Variants in ZNF589 observed in about 807,000 individuals in gnomAD.
ZNF589 encodes KRAB-zinc finger protein SZF1-1.
ZNF589 carries 17 observed loss-of-function variants against 13.6 expected under a neutral mutation model. That is an observed-to-expected ratio of 1.25 (90% CI 0.86 to 1.88). The LOEUF (loss-of-function observed/expected upper bound fraction) is 1.88, where lower values mean the gene tolerates loss of function less well. Among genes scored for constraint, ZNF589 ranks in the 40% most tolerant of loss-of-function variants. The pLI is 0.00. For missense variants in ZNF589, 407 were observed against 434.0 expected (o/e 0.94, Z 0.55); for synonymous variants, 148 against 161.6 (o/e 0.92, Z 0.64).
intron 2 of ZNF589, among the ~76,000 whole-genome samples, chr3:48,249,990 T>G (rs1443274047): frequency 1.3e-5 from 2 of 152,064 alleles, no homozygotes; most frequent in African/African-American, 2.4e-5. Flanking sequence ...TAGCTGTGTG[T>G]GGTGGCGGGT....
rs1163414645 is a variant in ZNF589, at chr3:48,268,964, T to C, written c.*178T>C. 9 of 964,864 alleles carry C rather than the reference T, an allele frequency of 9.3e-6. No homozygotes were observed. The highest frequency in any genetic ancestry group is 1.6e-5 in the African/African-American group (1 of 61,126). 59.8% of individuals were successfully genotyped at this position (964,864 alleles called of 1,614,324 possible). A position where few individuals can be genotyped will look rare whatever the true frequency, so the allele number is the denominator to read the frequency against. On this transcript the variant is annotated 3_prime_UTR_variant, in exon 4 of 4. Coordinates refer to ENST00000354698, the MANE Select transcript of ZNF589 (RefSeq NM_016089.3). ...CGTGTGTGAGGAGTGTGGGCATGGA[T>C]TTAGCCAGAAGTCGTCGCTCAAATC...
chr3:48,267,227 C>G (rs1378086551), intron 3 of ZNF589, among the ~76,000 whole-genome samples: 1 of 152,164 alleles, frequency 6.6e-6, no homozygotes, highest in African/African-American at 2.4e-5. Flanking sequence ...CACAAGTCGG[C>G]AAATACAGTA....
At chr3:48,257,352 TG>T (rs2033914944) in intron 2 of ZNF589, among the ~76,000 whole-genome samples, 2 of 152,032 alleles carry the variant, frequency 1.3e-5, no homozygotes, top group Admixed American at 6.6e-5. Flanking sequence ...CCCTGCCTCC[TG>T]GGTTCAAGCG....
At chr3:48,245,985 T>C (rs558078133) in intron 1 of ZNF589, among the ~76,000 whole-genome samples, 84 of 151,204 alleles carry the variant, frequency 5.6e-4, no homozygotes, top group African/African-American at 1.9e-3. Flanking sequence ...AAGCTTGAGC[T>C]TCCCTCCAGA....
chr3:48,259,515 A>G (rs1167743313), intron 2 of ZNF589, among the ~76,000 whole-genome samples: 4 of 152,178 alleles, frequency 2.6e-5, no homozygotes, highest in African/African-American at 9.7e-5. Context: ...TAGAGTGCCA[A>G]GGACCACTTG....
chr3:48,247,287 TA>T (rs895019765), intron 1 of ZNF589, among the ~76,000 whole-genome samples: 10 of 151,140 alleles, frequency 6.6e-5, no homozygotes, highest in African/African-American at 2.2e-4. Context: ...TTTCATAAAT[TA>T]AAAAAAAACA....
chr3:48,263,744 G>A (rs1018303596), intron 3 of ZNF589, among the ~76,000 whole-genome samples: 3 of 152,108 alleles, frequency 2.0e-5, no homozygotes, highest in Non-Finnish European at 2.9e-5. Context: ...GGGCAACAGA[G>A]CAAGACTCCA....
intron 2 of ZNF589, chr3:48,256,442 CT>C (rs1190202070): frequency 2.4e-4 from 132 of 559,396 alleles, no homozygotes; most frequent in South Asian, 1.3e-3. Context: ...CAGGGGAGGC[CT>C]TTTTTTGTAG....
At position 48,268,010 on chromosome 3, in the gene ZNF589, A is replaced by G. The variant is rs1176913706; in HGVS notation, c.319A>G (p.Ile107Val). The G allele has an allele frequency of 6.2e-7, 1 of 1,614,186 alleles. No homozygotes were observed. Among genetic ancestry groups the G allele is most frequent in the Non-Finnish European group, 8.5e-7 (1 of 1,180,042 alleles). Reference sequence around the variant, plus strand: ...CCAAGATGAGCTACACAATCATCCTATTCCAGGTTTCCATGCAGGAAATCA... The same window carrying G: ...CCAAGATGAGCTACACAATCATCCTGTTCCAGGTTTCCATGCAGGAAATCA... ...LSQDELHNHPIPGFHAGNQLH... is the reference protein window; with the variant it reads ...LSQDELHNHPVPGFHAGNQLH... The change falls in exon 4 of 4, where the codon ATT becomes GTT. Residue 107 changes from isoleucine to valine, a missense_variant. Ile to Val is a conservative substitution (Grantham distance 29). Coordinates refer to ENST00000354698, the MANE Select transcript of ZNF589 (RefSeq NM_016089.3).
At chr3:48,244,928 C>T (rs2033744010) in intron 1 of ZNF589, among the ~76,000 whole-genome samples, 1 of 151,918 alleles carries the variant, frequency 6.6e-6, no homozygotes. Context: ...GATTCTCCTG[C>T]CTCAGCCTCC....
intron 1 of ZNF589, among the ~76,000 whole-genome samples, chr3:48,243,537 C>T (rs1559978786): frequency 6.6e-6 from 1 of 151,942 alleles, no homozygotes; most frequent in East Asian, 1.9e-4. Flanking sequence ...ATGGACCGGG[C>T]GCGGTGACTC....
chr3:48,262,378 A>G (rs962441496), intron 3 of ZNF589, among the ~76,000 whole-genome samples: 1 of 151,716 alleles, frequency 6.6e-6, no homozygotes, highest in Admixed American at 6.6e-5. Context: ...TTTAGTAGAA[A>G]CGGGGTTTCA....
Position 48,249,796 on chromosome 3 carries a change from T to C in ZNF589, c.96+2119T>C, listed in dbSNP as rs565843352. On this transcript the variant is annotated intron_variant, in intron 2 of 3. Transcript: ENST00000354698. Reference sequence around the variant, plus strand: ...TTAAACATTTATCGTTTCTTTGTGATGAGAACATCCAAAAGCCTCTTTTCT... The same window carrying C: ...TTAAACATTTATCGTTTCTTTGTGACGAGAACATCCAAAAGCCTCTTTTCT... 2.0e-5 allele frequency among the ~76,000 whole-genome samples: 3 copies of C among 152,334 alleles called. No individual in the cohort carries two copies. In the South Asian group the frequency reaches 6.2e-4, roughly 32 times the overall value.
intron 1 of ZNF589, 28 bp downstream of exon 1, chr3:48,241,242 C>T (rs1575289723): frequency 6.2e-6 from 10 of 1,607,608 alleles, no homozygotes; most frequent in African/African-American, 1.3e-5. Flanking sequence ...GATCGCCTCC[C>T]CCATTCGGTG....
At position 48,269,229 on chromosome 3, in the gene ZNF589, C is replaced by T. The variant is rs2034061652; in HGVS notation, c.*443C>T. On this transcript the variant is annotated 3_prime_UTR_variant, in exon 4 of 4. Transcript: ENST00000354698. ...TGTGGGCAAGGCTTTATCACGAAAT[C>T]ACAGCTCATCAGACACCAGAGGACA... 12 of 1,512,042 alleles carry T rather than the reference C, an allele frequency of 7.9e-6. No individual in the cohort carries two copies. The highest frequency in any genetic ancestry group is 1.0e-5 in the Non-Finnish European group (11 of 1,101,968). The allele number at this position is 1,512,042 out of a possible 1,614,324, so 93.7% of individuals were successfully genotyped here.
intron 3 of ZNF589, among the ~76,000 whole-genome samples, chr3:48,266,404 G>A (rs1363978454): frequency 2.0e-5 from 3 of 152,200 alleles, no homozygotes; most frequent in Non-Finnish European, 4.4e-5. Context: ...GACTAGCTAA[G>A]CTATGCTGCT....
chr3:48,257,574 G>A (rs1023042431), intron 2 of ZNF589, among the ~76,000 whole-genome samples: 8 of 151,832 alleles, frequency 5.3e-5, no homozygotes, highest in Non-Finnish European at 7.4e-5. Context: ...TTTTGGTGAA[G>A]TCTGGTTTAT....
At chr3:48,257,264 TTG>T (rs1322821715) in intron 2 of ZNF589, among the ~76,000 whole-genome samples, 66 of 152,192 alleles carry the variant, frequency 4.3e-4, no homozygotes, top group African/African-American at 1.6e-3. Flanking sequence ...GTTTTGTTTT[TTG>T]TTTTTTGTTT....
Position 48,268,576 on chromosome 3 carries a change from G to A in ZNF589, c.885G>A (p.Leu295=), listed in dbSNP as rs757524885. The A allele has an allele frequency of 1.2e-6, 2 of 1,613,710 alleles. No homozygotes were observed. Among genetic ancestry groups the A allele is most frequent in the Non-Finnish European group, 1.7e-6 (2 of 1,179,752 alleles). The part of the protein sequence containing the change: ...FIVESVLRNH[L]STHSGEKPYV... The stretch of plus-strand genomic sequence containing the variant: ...TTGAGTCAGTCCTCCGCAACCACCT[G>A]AGTACACACTCCGGGGAGAAACCTT... The change falls in exon 4 of 4, where the codon CTG becomes CTA. Residue 295 remains leucine, a synonymous_variant. Transcript: ENST00000354698.
Sources: gnomAD v4.1 joint callset for allele counts (sites outside exome capture counted in the v4.1 genomes callset) on GRCh38, gnomAD v4.1.1 for gene constraint, MANE v1.5 for transcripts, NCBI Gene and HGNC (gene_info 2026-07-23, HGNC 2026-07-21) for gene names.